TCF12: variants seen among roughly 807,000 people sequenced by gnomAD.
TCF12 encodes DNA-binding protein HTF4.
In TCF12, 45 loss-of-function variants were observed where a neutral mutation model predicts 86.0. The observed-to-expected ratio is 0.52, with a 90% CI of 0.41 to 0.67. The LOEUF (loss-of-function observed/expected upper bound fraction) is 0.67, where lower values mean the gene tolerates loss of function less well. Ranked by LOEUF, TCF12 falls within the 30% of genes least tolerant of loss-of-function variation. The pLI is 0.00. For missense variants in TCF12, 881 were observed against 859.9 expected (o/e 1.02, Z -0.31); for synonymous variants, 330 against 299.6 (o/e 1.10, Z -1.05).
At chr15:57,175,209 G>A (rs771483928) in intron 6 of TCF12, among the ~76,000 whole-genome samples, 2 of 152,080 alleles carry the variant, frequency 1.3e-5, no homozygotes, top group Non-Finnish European at 2.9e-5. Context: ...AACTGCAGGT[G>A]GTGGTGTGCC....
chr15:57,264,063 T>G (rs11856073), intron 18 of TCF12, among the ~76,000 whole-genome samples: 59,521 of 151,788 alleles, frequency 0.39, 14,534 homozygotes, highest in Non-Finnish European at 0.54. Flanking sequence ...AAATTAACCT[T>G]AGCTTACTGT....
intron 3 of TCF12, among the ~76,000 whole-genome samples, chr15:56,970,404 C>T (rs1227471177): frequency 2.7e-5 from 4 of 146,450 alleles, no homozygotes; most frequent in African/African-American, 1.0e-4. Context: ...TGCTTGAATC[C>T]GGGAGGTGGA....
intron 8 of TCF12, among the ~76,000 whole-genome samples, chr15:57,228,713 C>T (rs2733318): frequency 0.81 from 123,572 of 151,914 alleles, 50,771 homozygotes; most frequent in African/African-American, 0.93. Flanking sequence ...TGACTTCCTT[C>T]TGTAATTGTA....
intron 16 of TCF12, among the ~76,000 whole-genome samples, chr15:57,256,204 G>C (rs1170976853): frequency 1.3e-5 from 2 of 152,160 alleles, no homozygotes; most frequent in African/African-American, 4.8e-5. Context: ...AAGACCAAAG[G>C]ATGGAATGAA....
intron 8 of TCF12, among the ~76,000 whole-genome samples, chr15:57,209,526 T>C: frequency 1.3e-5 from 2 of 152,382 alleles, no homozygotes; most frequent in East Asian, 3.9e-4. Context: ...GACAGTCTTA[T>C]ATTTCTCTTA....
intron 5 of TCF12, among the ~76,000 whole-genome samples, chr15:57,123,079 A>G (rs192483311): frequency 6.6e-6 from 1 of 152,384 alleles, no homozygotes; most frequent in South Asian, 2.1e-4. Flanking sequence ...GTCATTCACA[A>G]CAATGAATGA....
intron 4 of TCF12, among the ~76,000 whole-genome samples, chr15:57,064,552 T>C (rs1368775088): frequency 6.6e-6 from 1 of 152,054 alleles, no homozygotes; most frequent in Non-Finnish European, 1.5e-5. Context: ...CCCAGCACTT[T>C]GGGAGGTTGA....
At chr15:57,268,302 G>A (rs768807955) in intron 18 of TCF12, among the ~76,000 whole-genome samples, 7 of 152,136 alleles carry the variant, frequency 4.6e-5, no homozygotes, top group Admixed American at 2.0e-4. Flanking sequence ...CACTGGGCTC[G>A]ATGATCTTTA....
intron 4 of TCF12, among the ~76,000 whole-genome samples, chr15:57,079,281 G>T (rs2703609): frequency 0.012 from 1,870 of 152,186 alleles, 42 homozygotes; most frequent in African/African-American, 0.043. Flanking sequence ...TTATTTCTTT[G>T]ATTGTGTACT....
intron 6 of TCF12, among the ~76,000 whole-genome samples, chr15:57,176,587 C>T (rs2055929164): frequency 6.6e-6 from 1 of 152,080 alleles, no homozygotes; most frequent in African/African-American, 2.4e-5. Flanking sequence ...ATTATTCCTC[C>T]CATTTGATAG....
chr15:57,042,042 C>T (rs1473686001), intron 3 of TCF12, among the ~76,000 whole-genome samples: 3 of 152,126 alleles, frequency 2.0e-5, no homozygotes, highest in Non-Finnish European at 1.5e-5. Flanking sequence ...ATATAATTGC[C>T]ATTTTCTAGC....
intron 13 of TCF12, among the ~76,000 whole-genome samples, chr15:57,245,511 A>G (rs2059817336): frequency 6.6e-6 from 1 of 152,202 alleles, no homozygotes; most frequent in Non-Finnish European, 1.5e-5. Flanking sequence ...CCATATCAGC[A>G]TTCCCACTAC....
chr15:57,211,011 G>A (rs150347673), intron 8 of TCF12, among the ~76,000 whole-genome samples: 54 of 152,278 alleles, frequency 3.5e-4, no homozygotes, highest in Middle Eastern at 6.8e-3. Flanking sequence ...TCTGTGTTGC[G>A]TGCTAAAATT....
intron 3 of TCF12, among the ~76,000 whole-genome samples, chr15:57,005,896 C>T (rs1345962954): frequency 6.6e-6 from 1 of 152,172 alleles, no homozygotes; most frequent in Non-Finnish European, 1.5e-5. Flanking sequence ...GCTAAATAGT[C>T]ACCCTAAGCT....
At chr15:57,250,303 G>T (rs150615295) in intron 13 of TCF12, among the ~76,000 whole-genome samples, 77 of 152,244 alleles carry the variant, frequency 5.1e-4, no homozygotes, top group African/African-American at 1.8e-3. Context: ...ATTCAGAAAT[G>T]CTACTTATCC....
At chr15:57,258,400 A>G (rs1353830555) in intron 16 of TCF12, among the ~76,000 whole-genome samples, 1 of 152,184 alleles carries the variant, frequency 6.6e-6, no homozygotes, top group African/African-American at 2.4e-5. Context: ...AGGCCCAACA[A>G]GGTAACTCCA....
At position 56,942,391 on chromosome 15, in the gene TCF12, C is replaced by G. The variant is rs1322946202; in HGVS notation, c.148+21293C>G. 5.3e-5 allele frequency among the ~76,000 whole-genome samples: 8 copies of G among 152,238 alleles called. No individual in the cohort carries two copies. The East Asian group carries it at 1.5e-3, about 29-fold the overall frequency. On this transcript the variant is annotated intron_variant, in intron 3 of 20. Transcript: ENST00000333725. ...ATCTGACTGTTTTCATTGACTATCT[C>G]ATTGATGTTTAAAGAGTACCTGATG...
chr15:57,062,472 T>C (rs951622977), intron 3 of TCF12, among the ~76,000 whole-genome samples: 2 of 152,080 alleles, frequency 1.3e-5, no homozygotes, highest in African/African-American at 4.8e-5. Flanking sequence ...TAAAATATAC[T>C]TTAGTCACTT....
rs147715988 is a variant in TCF12 at position 57,037,363 on chromosome 15, C to A, written c.149-26387C>A. ...GGCTGAGGCAGGAGAATCGCTTGAA[C>A]CCAGGAGGCAGAGGTTACAGTGAGC... On this transcript the variant is annotated intron_variant, in intron 3 of 20. Transcript: ENST00000333725. Among the ~76,000 whole-genome samples the A allele has an allele frequency of 6.7e-3, 1,017 of 152,160 alleles. 51 individuals are homozygous for A. The East Asian group carries it at 0.13, about 19-fold the overall frequency.
Sources: gnomAD v4.1 joint callset for allele counts (sites outside exome capture counted in the v4.1 genomes callset) on GRCh38, gnomAD v4.1.1 for gene constraint, MANE v1.5 for transcripts, NCBI Gene and HGNC (gene_info 2026-07-23, HGNC 2026-07-21) for gene names.